Variants in SEC31A observed in about 807,000 individuals in gnomAD.
SEC31A encodes protein transport protein Sec31A.
Under a neutral mutation model 151.0 loss-of-function variants are expected in SEC31A, and 70 were observed. That is an observed-to-expected ratio of 0.46 (90% confidence interval 0.38 to 0.57). The LOEUF (loss-of-function observed/expected upper bound fraction) is 0.57. SEC31A is among the 20% of genes least tolerant of loss of function. The probability of loss-of-function intolerance (pLI) is 0.00; values close to 1 mark genes in which losing one functional copy is unlikely to be tolerated. For missense variants in SEC31A, 1,330 were observed against 1,471.2 expected (o/e 0.90, Z 1.57); for synonymous variants, 475 against 505.9 (o/e 0.94, Z 0.82).
chr4:82,871,343 A>C (rs1736625769), intron 7 of SEC31A: 1 of 1,513,392 alleles, frequency 6.6e-7, no homozygotes, highest in Non-Finnish European at 8.8e-7. Flanking sequence ...CACACAAGTA[A>C]CGTAGGTACA....
intron 4 of SEC31A, among the ~76,000 whole-genome samples, 197 bp downstream of exon 4, chr4:82,878,533 C>T (rs779004324): frequency 6.6e-6 from 1 of 152,044 alleles, no homozygotes; most frequent in Admixed American, 6.5e-5. Flanking sequence ...ACCTATCAGC[C>T]GGATCCTTTT....
upstream of SEC31A, among the ~76,000 whole-genome samples, chr4:82,892,604 G>C (rs149625004): frequency 6.6e-6 from 1 of 152,178 alleles, no homozygotes; most frequent in Non-Finnish European, 1.5e-5. Context: ...CTGGGGTCAA[G>C]GAGGCAACAG....
At chr4:82,891,272 C>G (rs1306148827), upstream of SEC31A, 1 of 1,216,226 alleles carries the variant, frequency 8.2e-7, no homozygotes, top group Non-Finnish European at 1.1e-6. Flanking sequence ...CCCCGCCCAC[C>G]CGACGCACAG....
chr4:82,890,678 C>A (rs1039522421), intron 1 of SEC31A: 2 of 939,026 alleles, frequency 2.1e-6, no homozygotes, highest in Non-Finnish European at 2.6e-6. Flanking sequence ...AGTTCAAGTA[C>A]AAAAAAAAAT....
At chr4:82,871,511 C>T (rs1307810535) in intron 7 of SEC31A, 1 of 979,796 alleles carries the variant, frequency 1.0e-6, no homozygotes. Context: ...TACGGTGGCC[C>T]ATGCCTGTAT....
chr4:82,845,461 A>AAAAAC (rs113913375), intron 20 of SEC31A, among the ~76,000 whole-genome samples: 31,297 of 151,806 alleles, frequency 0.21, 3,297 homozygotes, highest in South Asian at 0.34. Flanking sequence ...GAATTCCCAA[A>AAAAAC]AAAACAAAAC....
At chr4:82,853,967 A>C (rs1349998328) in intron 17 of SEC31A, among the ~76,000 whole-genome samples, 3 of 152,262 alleles carry the variant, frequency 2.0e-5, no homozygotes, top group African/African-American at 7.2e-5. Flanking sequence ...TAATTAAATT[A>C]GAAAAACAAT....
At chr4:82,898,413 T>C (rs1720154418) in intron 3 of SEC31A, among the ~76,000 whole-genome samples, 1 of 152,236 alleles carries the variant, frequency 6.6e-6, no homozygotes, top group Non-Finnish European at 1.5e-5. Context: ...AGTAAATATC[T>C]AGAGCAGTGA....
At chr4:82,895,298 T>C (rs1369706169), upstream of SEC31A, 20 of 152,132 alleles carry the variant, frequency 1.3e-4, no homozygotes, top group East Asian at 3.1e-3. Flanking sequence ...TGGCAAAACA[T>C]GGTCTCTACT....
chr4:82,859,837 G>C (rs1343722427), intron 14 of SEC31A, among the ~76,000 whole-genome samples: 26 of 150,170 alleles, frequency 1.7e-4, no homozygotes, highest in Non-Finnish European at 2.9e-5. Context: ...TGTCGCCCAG[G>C]CTGGAGTGCA....
rs199593980 is a variant in SEC31A, at chr4:82,866,857, A to G, written c.1148T>C (p.Leu383Pro). Residue 383 changes from leucine to proline, a missense_variant, in exon 10 of 27, where the codon CTG becomes CCG. Physicochemically the swap from Leu to Pro is moderately conservative, Grantham distance 98 (BLOSUM62 -3). Transcript: ENST00000395310. ...QTAQHSIVLP[L>P]KKPPKWIRRP... is the part of the protein sequence containing the mutation. ...TCGAATCCACTTGGGCGGCTTCTTC[A>G]GAGGCAGCACTATACTATGCTGAGC... 7 of 1,613,584 alleles carry G rather than the reference A, an allele frequency of 4.3e-6. No individual in the cohort carries two copies. In the Admixed American group the frequency reaches 5.0e-5, roughly 12 times the overall value.
intron 19 of SEC31A, among the ~76,000 whole-genome samples, chr4:82,849,385 C>T (rs1730945659): frequency 6.6e-6 from 1 of 152,096 alleles, no homozygotes; most frequent in Non-Finnish European, 1.5e-5. Flanking sequence ...GAGGCCGAGG[C>T]AGGCAGATCA....
intron 17 of SEC31A, among the ~76,000 whole-genome samples, chr4:82,854,017 C>T (rs1255280146): frequency 1.3e-5 from 2 of 152,084 alleles, no homozygotes; most frequent in African/African-American, 4.8e-5. Flanking sequence ...CCTAAAGGCA[C>T]ATTTGGAATA....
intron 23 of SEC31A, 148 bp from the exon 24 acceptor site, chr4:82,827,780 T>A (rs1201950352): frequency 1.3e-6 from 1 of 767,086 alleles, no homozygotes; most frequent in Non-Finnish European, 2.1e-6. Flanking sequence ...TGAAATTTTA[T>A]GCAGAATAAA....
chr4:82,846,713 T>G (rs75767077), intron 20 of SEC31A, among the ~76,000 whole-genome samples: 1 of 55,272 alleles, frequency 1.8e-5, no homozygotes, highest in East Asian at 3.5e-4. Context: ...TTCATTATTT[T>G]TTTGTTTGTT....
intron 16 of SEC31A, among the ~76,000 whole-genome samples, chr4:82,855,682 C>T (rs1215053017): frequency 2.0e-5 from 3 of 152,122 alleles, no homozygotes; most frequent in African/African-American, 7.2e-5. Context: ...AGCAAAATAA[C>T]ACAGGAACAG....
intron 22 of SEC31A, among the ~76,000 whole-genome samples, 168 bp downstream of exon 22, chr4:82,841,972 A>C (rs78986905): frequency 6.8e-6 from 1 of 146,614 alleles, no homozygotes; most frequent in Non-Finnish European, 1.5e-5. Flanking sequence ...ACTCCATCAC[A>C]AAAAAAAAAA....
intron 6 of SEC31A, among the ~76,000 whole-genome samples, chr4:82,872,861 T>C (rs1289463044): frequency 6.6e-6 from 1 of 151,950 alleles, no homozygotes; most frequent in African/African-American, 2.4e-5. Flanking sequence ...CACACCACCA[T>C]GCCTGGCTAA....
intron 26 of SEC31A, among the ~76,000 whole-genome samples, chr4:82,820,388 G>C (rs1723076039): frequency 6.6e-6 from 1 of 152,152 alleles, no homozygotes; most frequent in Non-Finnish European, 1.5e-5. Flanking sequence ...TGAGTGTGGG[G>C]AATGGGTTAG....
Sources: allele counts gnomAD v4.1 joint callset (sites outside exome capture counted in the v4.1 genomes callset), GRCh38; gene constraint gnomAD v4.1.1; transcripts MANE v1.5; gene names NCBI Gene and HGNC (gene_info 2026-07-23, HGNC 2026-07-21).